The following CASD1 variants were observed in gnomAD, a reference collection of about 807,000 sequenced individuals.
CASD1 encodes N-acetylneuraminate (7)9-O-acetyltransferase.
A neutral mutation model predicts 100.0 loss-of-function variants in CASD1; 41 were observed. That is an observed-to-expected ratio of 0.41 (90% CI 0.32 to 0.53). CASD1 has a LOEUF of 0.53. CASD1 is among the 20% of genes least tolerant of loss of function. The pLI is 0.25. For missense variants in CASD1, 774 were observed against 948.7 expected (o/e 0.82, Z 2.42); for synonymous variants, 321 against 315.6 (o/e 1.02, Z -0.18).
intron 7 of CASD1, 79 bp from the exon 8 acceptor site, chr7:94,535,216 CATATGAAATGTGGA>C: frequency 1.1e-6 from 1 of 884,578 alleles, no homozygotes; most frequent in South Asian, 1.6e-5. Flanking sequence ...TTAAAAATAA[CATATGAAATGTGGA>C]ACAGCTAACT....
chr7:94,533,319 A>G lies in CASD1; in HGVS notation c.504+70A>G, dbSNP rs911203031. On this transcript the variant is annotated intron_variant, in intron 6 of 17. Coordinates refer to ENST00000297273, the MANE Select transcript of CASD1 (RefSeq NM_022900.5). Reference sequence around the variant, plus strand: ...TTAAGAACATGCTAAGAAAAAGTTAATTTGTGTTCAGAATTCTTGATTGTA... The same window carrying G: ...TTAAGAACATGCTAAGAAAAAGTTAGTTTGTGTTCAGAATTCTTGATTGTA... 3.9e-5 allele frequency: 50 copies of G among 1,286,252 alleles called. 1 individual carries two copies. Among genetic ancestry groups the G allele is most frequent in the Admixed American group, 1.9e-5 (1 of 52,412 alleles). The allele number at this position is 1,286,252 out of a possible 1,614,324, so 79.7% of individuals were successfully genotyped here.
rs1793624870 is a variant in CASD1, at chr7:94,510,278, G to C, written c.133+61G>C. The C allele has an allele frequency of 4.0e-6, 5 of 1,261,504 alleles. No individual in the cohort carries two copies. The African/African-American group carries it at 6.3e-5, about 16-fold the overall frequency. 78.1% of individuals were successfully genotyped at this position (1,261,504 alleles called of 1,614,324 possible). ...GGGGGAGGCGGCGACGCGGCGGCTG[G>C]AGGCCGCCCCCATCGCCCAACACAC... On this transcript the variant is annotated intron_variant, in intron 1 of 17. Transcript: ENST00000297273.
intron 10 of CASD1, among the ~76,000 whole-genome samples, chr7:94,542,239 A>G (rs1338206978): frequency 3.9e-5 from 6 of 152,200 alleles, no homozygotes; most frequent in Non-Finnish European, 8.8e-5. Context: ...GCCATCAGAT[A>G]TAAGAGTGAG....
chr7:94,596,431 A>G, the CASD1 span, among the ~76,000 whole-genome samples: 1 of 152,134 alleles, frequency 6.6e-6, no homozygotes, highest in African/African-American at 2.4e-5. Context: ...CCTACTCATT[A>G]TAACTAGTTT....
At chr7:94,536,136 G>A (rs1584408499) in intron 8 of CASD1, among the ~76,000 whole-genome samples, 1 of 152,066 alleles carries the variant, frequency 6.6e-6, no homozygotes, top group Non-Finnish European at 1.5e-5. Flanking sequence ...CCAGCTACTC[G>A]GGAGGCTGAG....
intron 13 of CASD1, 56 bp downstream of exon 13, chr7:94,547,231 CTA>C: frequency 7.7e-7 from 1 of 1,295,032 alleles, no homozygotes; most frequent in Non-Finnish European, 1.1e-6. Context: ...AAGTTCAAGT[CTA>C]TTAAAGCATG....
chr7:94,552,071 T>G (rs1401280994), intron 15 of CASD1: 4 of 319,778 alleles, frequency 1.3e-5, no homozygotes, highest in Non-Finnish European at 1.7e-5. Flanking sequence ...TAAAATGTAA[T>G]GTAAGGTGTT....
At position 94,509,964 on chromosome 7, in the gene CASD1, T is replaced by A; in HGVS notation, c.-121T>A. The A allele has an allele frequency of 8.2e-7, 1 of 1,214,498 alleles. No individual in the cohort carries two copies. Among genetic ancestry groups the A allele is most frequent in the Non-Finnish European group, 1.0e-6 (1 of 969,162 alleles). 75.2% of individuals were successfully genotyped at this position (1,214,498 alleles called of 1,614,324 possible). A position where few individuals can be genotyped will look rare whatever the true frequency, so the allele number is the denominator to read the frequency against. ...CAGGTTCCCCGGCGGGAGGCGCAGG[T>A]GGCGGCCTGGGGAGCTGGCGGCCGC... On this transcript the variant is annotated 5_prime_UTR_variant, in exon 1 of 18. Transcript: ENST00000297273.
At chr7:94,623,292 A>C in the CASD1 span, 3 of 1,298,718 alleles carry the variant, frequency 2.3e-6, no homozygotes, top group Admixed American at 5.5e-5. Context: ...ACTTCTTATA[A>C]ATAAGAAATG....
At chr7:94,525,921 A>G (rs1327489518) in intron 3 of CASD1, among the ~76,000 whole-genome samples, 1 of 152,252 alleles carries the variant, frequency 6.6e-6, no homozygotes, top group Non-Finnish European at 1.5e-5. Flanking sequence ...TTAGCTTCTT[A>G]CTGACCACCT....
chr7:94,594,165 G>A, the CASD1 span, among the ~76,000 whole-genome samples: 5 of 152,018 alleles, frequency 3.3e-5, no homozygotes, highest in African/African-American at 9.7e-5. Flanking sequence ...GGTCAAATAC[G>A]TAATAGATTT....
At chr7:94,600,775 G>A in the CASD1 span, 1 of 1,613,536 alleles carries the variant, frequency 6.2e-7, no homozygotes, top group East Asian at 2.2e-5. Flanking sequence ...ATCAGAAGGG[G>A]GTTTGTATTC....
At chr7:94,629,104 G>A in the CASD1 span, 1 of 151,834 alleles carries the variant, frequency 6.6e-6, no homozygotes, top group Non-Finnish European at 1.5e-5. Flanking sequence ...ACTTTTATTT[G>A]CTGCTTAAGG....
the CASD1 span, among the ~76,000 whole-genome samples, chr7:94,564,311 T>C: frequency 6.6e-6 from 1 of 152,216 alleles, no homozygotes; most frequent in African/African-American, 2.4e-5. Flanking sequence ...AAGATCCATC[T>C]GGTTTCTGCA....
At chr7:94,572,183 C>A in the CASD1 span, among the ~76,000 whole-genome samples, 1 of 152,128 alleles carries the variant, frequency 6.6e-6, no homozygotes. Context: ...CTGGGACTCT[C>A]TAGATTTCCT....
the CASD1 span, among the ~76,000 whole-genome samples, chr7:94,563,683 G>A: frequency 0.019 from 2,351 of 125,302 alleles, 58 homozygotes; most frequent in African/African-American, 0.067. Flanking sequence ...CCTCCCCCAC[G>A]CCCCCGCTGA....
downstream of CASD1, among the ~76,000 whole-genome samples, chr7:94,558,673 G>A (rs1796285045): frequency 6.6e-6 from 1 of 152,030 alleles, no homozygotes; most frequent in South Asian, 2.1e-4. Context: ...ATTTGGCAAG[G>A]TGTATTCTGG....
At chr7:94,555,391 C>T (rs1796152457) in intron 17 of CASD1, 101 bp from the exon 18 acceptor site, 1 of 1,182,610 alleles carries the variant, frequency 8.5e-7, no homozygotes, top group Non-Finnish European at 1.2e-6. Context: ...TTAGGAAAGC[C>T]TTCTAATGTT....
At chr7:94,558,231 T>C (rs1796271531), downstream of CASD1, among the ~76,000 whole-genome samples, 1 of 152,204 alleles carries the variant, frequency 6.6e-6, no homozygotes, top group Non-Finnish European at 1.5e-5. Context: ...AGTTCATTTA[T>C]TATTCTATTC....
Sources: allele counts gnomAD v4.1 joint callset (sites outside exome capture counted in the v4.1 genomes callset), GRCh38; gene constraint gnomAD v4.1.1; transcripts MANE v1.5; gene names NCBI Gene and HGNC (gene_info 2026-07-23, HGNC 2026-07-21).